The following HAAO variants were observed in gnomAD, a reference collection of about 807,000 sequenced individuals.
HAAO encodes 3-hydroxyanthranilate oxygenase.
HAAO carries 49 observed loss-of-function variants against 46.2 expected under a neutral mutation model. The ratio of observed to expected loss-of-function variants is 1.06; its 90% CI spans 0.84 to 1.34. The LOEUF (loss-of-function observed/expected upper bound fraction) is 1.34. HAAO is among the 40% of genes most tolerant of loss of function. The pLI, the probability that HAAO is intolerant of heterozygous loss-of-function variation, is 0.00. For synonymous variants in HAAO, 157 were observed against 145.2 expected, an observed-to-expected ratio of 1.08 and a Z score of -0.58; for missense variants, 408 against 364.5, an observed-to-expected ratio of 1.12 and a Z score of -0.97.
At chr2:42,770,333 TC>T in intron 5 of HAAO, 147 bp from the exon 6 acceptor site, 1 of 871,244 alleles carries the variant, frequency 1.1e-6, no homozygotes, top group Non-Finnish European at 1.8e-6. Context: ...TGCCATCCTT[TC>T]CCTCCCAGCG....
At chr2:42,768,901 C>T (rs191379224) in intron 7 of HAAO, among the ~76,000 whole-genome samples, 9 of 152,318 alleles carry the variant, frequency 5.9e-5, no homozygotes, top group Non-Finnish European at 1.3e-4. Context: ...TGGCCAACTT[C>T]GGCTGCTCCC....
intron 2 of HAAO, among the ~76,000 whole-genome samples, chr2:42,786,550 T>C (rs192968321): frequency 2.2e-4 from 33 of 152,306 alleles, no homozygotes; most frequent in African/African-American, 7.5e-4. Context: ...ATTGAATTCT[T>C]CCACCAGACA....
Position 42,767,882 on chromosome 2 carries a change from A to C in HAAO, c.677T>G (p.Val226Gly). Residue 226 changes from valine (V) to glycine (G), a missense_variant, in exon 8 of 10, where the codon GTG becomes GGG. Physicochemically the swap from Val to Gly is moderately radical, Grantham distance 109. Coordinates refer to ENST00000294973, the MANE Select transcript of HAAO (RefSeq NM_012205.3). ...QGSSEGLRQN[V>G]DVWLWQLEGS... is the part of the protein sequence containing the mutation. ...TGCCAGCTGCCACAGCCACACGTCC[A>C]CATTCTGTCTCAGGCCTTCGCTGCT... The C allele has an allele frequency of 6.2e-7, 1 of 1,614,050 alleles. No individual in the cohort carries two copies. Among genetic ancestry groups the C allele is most frequent in the Non-Finnish European group, 8.5e-7 (1 of 1,179,902 alleles).
chr2:42,775,861 C>CTTTTT (rs56249729), intron 4 of HAAO, among the ~76,000 whole-genome samples: 4 of 121,424 alleles, frequency 3.3e-5, no homozygotes, highest in South Asian at 2.7e-4. Flanking sequence ...TTGTGTTATC[C>CTTTTT]TTTTTTTTTT....
intron 4 of HAAO, among the ~76,000 whole-genome samples, chr2:42,773,583 ATTT>A (rs58425059): frequency 8.1e-6 from 1 of 123,108 alleles, no homozygotes; most frequent in African/African-American, 3.1e-5. Context: ...CCTACCCCCT[ATTT>A]TTTTTTTTTT....
chr2:42,791,866 T>A (rs979783466), intron 1 of HAAO, among the ~76,000 whole-genome samples: 9 of 151,776 alleles, frequency 5.9e-5, no homozygotes, highest in African/African-American at 1.9e-4. Flanking sequence ...TGGCCAACCC[T>A]GTTGGGTGCT....
chr2:42,786,747 C>T (rs143828363), intron 2 of HAAO, among the ~76,000 whole-genome samples: 2,289 of 152,216 alleles, frequency 0.015, 52 homozygotes, highest in African/African-American at 0.048. Context: ...TGGTAGGTGG[C>T]GCTGGGGAGT....
At chr2:42,776,943 T>C (rs1671625474) in intron 4 of HAAO, among the ~76,000 whole-genome samples, 1 of 151,610 alleles carries the variant, frequency 6.6e-6, no homozygotes, top group African/African-American at 2.4e-5. Context: ...GTTGTTTCCT[T>C]TAATATGCAA....
chr2:42,790,607 G>T (rs10180962), intron 1 of HAAO, among the ~76,000 whole-genome samples: 5 of 151,108 alleles, frequency 3.3e-5, no homozygotes, highest in African/African-American at 9.7e-5. Flanking sequence ...CTTCGGCTCA[G>T]TGCAGCCTCC....
intron 2 of HAAO, among the ~76,000 whole-genome samples, chr2:42,784,998 C>T: frequency 6.6e-6 from 1 of 152,244 alleles, no homozygotes; most frequent in Middle Eastern, 3.2e-3. Flanking sequence ...TCATCAGAGA[C>T]ATACCTGCCT....
intron 4 of HAAO, among the ~76,000 whole-genome samples, chr2:42,771,559 T>A (rs944394844): frequency 5.9e-5 from 9 of 152,222 alleles, no homozygotes; most frequent in African/African-American, 2.2e-4. Context: ...TGGACCTCTT[T>A]TCTGGGGTAA....
chr2:42,769,838 G>C lies in HAAO; in HGVS notation c.505C>G (p.Pro169Ala). The change falls in exon 7 of 10, where the codon CCA becomes GCA. Residue 169 changes from proline (P) to alanine (A), a missense_variant. Pro to Ala is a conservative substitution (Grantham distance 27). Transcript: ENST00000294973. The part of the protein sequence containing the change: ...PIPDQLLKEP[P>A]FPLSTRSIME... ...ATGGATCGTGTGCTCAGAGGGAATG[G>C]TGGCTCCTTGAGCAGCTGGTCTGCA... The C allele has an allele frequency of 1.2e-6, 2 of 1,612,626 alleles. No homozygotes were observed. Among genetic ancestry groups the C allele is most frequent in the Non-Finnish European group, 8.5e-7 (1 of 1,179,352 alleles).
chr2:42,781,320 G>A (rs1671980443), intron 4 of HAAO, among the ~76,000 whole-genome samples: 1 of 152,056 alleles, frequency 6.6e-6, no homozygotes, highest in African/African-American at 2.4e-5. Flanking sequence ...TTGGTTTATG[G>A]AGCCAATAAA....
At chr2:42,786,989 G>A (rs1187227639) in intron 2 of HAAO, among the ~76,000 whole-genome samples, 1 of 152,116 alleles carries the variant, frequency 6.6e-6, no homozygotes, top group East Asian at 1.9e-4. Flanking sequence ...CAGAGAGGAG[G>A]CCGACCCTCA....
intron 1 of HAAO, among the ~76,000 whole-genome samples, chr2:42,790,035 G>A (rs1672672227): frequency 6.6e-6 from 1 of 152,202 alleles, no homozygotes. Flanking sequence ...GAGGCTGCCT[G>A]CATGGATGAC....
In HAAO at chr2:42,767,674, C is replaced by T. The variant is rs34053133; in HGVS notation, c.703G>A (p.Gly235Ser). The stretch of plus-strand genomic sequence containing the variant: ...CCCCCCATTGTCACCACCGAGGAGC[C>T]CTCCTGGAGAAGAGGAGCAGGAGAA... ...NVDVWLWQLE[G>S]SSVVTMGGRR... is the part of the protein sequence containing the mutation. Residue 235 changes from glycine to serine, a missense_variant, in exon 9 of 10, where the codon GGC becomes AGC. Physicochemically the swap from Gly to Ser is moderately conservative, Grantham distance 56. Transcript: ENST00000294973. The T allele has an allele frequency of 1.9e-6, 3 of 1,568,856 alleles. No homozygotes were observed. The highest frequency in any genetic ancestry group is 2.3e-5 in the South Asian group (2 of 86,642).
In HAAO at chr2:42,792,476, G is replaced by T; in HGVS notation, c.61C>A (p.Pro21Thr). 6.3e-7 allele frequency: 1 copy of T among 1,590,206 alleles called. No homozygotes were observed. The highest frequency in any genetic ancestry group is 8.6e-7 in the Non-Finnish European group (1 of 1,168,866). Residue 21 changes from proline (P) to threonine (T), a missense_variant, in exon 1 of 10, where the codon CCG becomes ACG. Coordinates refer to ENST00000294973, the MANE Select transcript of HAAO (RefSeq NM_012205.3). Reference sequence around the variant, plus strand: ...ACTCACATGAGCTTGTTGCAGACCGGGGGCTGGAAGGAGCCCCGGTTCTCC... The same window carrying T: ...ACTCACATGAGCTTGTTGCAGACCGTGGGCTGGAAGGAGCCCCGGTTCTCC... ...VKENRGSFQP[P>T]VCNKLMHQEQ...
At chr2:42,787,327 G>C (rs1452029265) in intron 2 of HAAO, among the ~76,000 whole-genome samples, 3 of 152,156 alleles carry the variant, frequency 2.0e-5, no homozygotes, top group Non-Finnish European at 4.4e-5. Context: ...CGGGTGCTGA[G>C]ACCAGGGCCA....
At chr2:42,789,350 G>A (rs1057042896) in intron 1 of HAAO, among the ~76,000 whole-genome samples, 1 of 152,180 alleles carries the variant, frequency 6.6e-6, no homozygotes, top group African/African-American at 2.4e-5. Flanking sequence ...AGAGGCAGAG[G>A]CGGATGTATT....
Sources: gnomAD v4.1 joint callset for allele counts (sites outside exome capture counted in the v4.1 genomes callset) on GRCh38, gnomAD v4.1.1 for gene constraint, MANE v1.5 for transcripts, NCBI Gene and HGNC (gene_info 2026-07-23, HGNC 2026-07-21) for gene names.